NECTIN3: variants seen among roughly 807,000 people sequenced by gnomAD.
NECTIN3 encodes the protein nectin-3.
In NECTIN3, 8 loss-of-function variants were observed where a neutral mutation model predicts 49.4. The ratio of observed to expected loss-of-function variants is 0.16; its 90% CI spans 0.10 to 0.29. The LOEUF (loss-of-function observed/expected upper bound fraction) is 0.29. Ranked by LOEUF, NECTIN3 falls within the 10% of genes least tolerant of loss-of-function variation. NECTIN3 has a pLI of 1.00. For synonymous variants in NECTIN3, 277 were observed against 241.1 expected, an observed-to-expected ratio of 1.15 and a Z score of -1.38; for missense variants, 581 against 654.6, an observed-to-expected ratio of 0.89 and a Z score of 1.23.
intron 7 of NECTIN3, among the ~76,000 whole-genome samples, chr3:111,175,402 C>A (rs1376318881): frequency 1.3e-5 from 2 of 151,746 alleles, no homozygotes; most frequent in South Asian, 4.2e-4. Flanking sequence ...CTGTTTGTAT[C>A]AGTACCATGG....
chr3:111,162,577 T>C (rs1048569321), intron 7 of NECTIN3, among the ~76,000 whole-genome samples: 1 of 152,206 alleles, frequency 6.6e-6, no homozygotes, highest in African/African-American at 2.4e-5. Flanking sequence ...GGCAGTCCTT[T>C]ATAGCAGTGT....
At position 111,072,017 on chromosome 3, in the gene NECTIN3, G is replaced by T. The variant is rs1278877611; in HGVS notation, c.-1G>T. ...CGAGCGGGCCGGGGGGAGGGTGGGGGATGGCGCGGACCCTGCGGCCGTCCC... is the reference window on the plus strand; with the variant it reads ...CGAGCGGGCCGGGGGGAGGGTGGGGTATGGCGCGGACCCTGCGGCCGTCCC... On this transcript the variant is annotated 5_prime_UTR_variant, in exon 1 of 6. Transcript: ENST00000485303. 20 of 1,507,366 alleles carry T rather than the reference G, an allele frequency of 1.3e-5. No individual in the cohort carries two copies. The highest frequency in any genetic ancestry group is 1.8e-5 in the Non-Finnish European group (20 of 1,127,224). 93.4% of individuals were successfully genotyped at this position (1,507,366 alleles called of 1,614,324 possible). A position where few individuals can be genotyped will look rare whatever the true frequency, so the allele number is the denominator to read the frequency against.
Position 111,072,112 on chromosome 3 carries a change from A to C in NECTIN3, c.95A>C (p.Gln32Pro). The C allele has an allele frequency of 6.5e-7, 1 of 1,549,490 alleles. No homozygotes were observed. The change falls in exon 1 of 6, where the codon CAG (glutamine) becomes CCG (proline). Residue 32 changes from glutamine to proline, a missense_variant. This residue lies in a region of NECTIN3 where 109 missense variants were observed against 69.1 expected (regional missense o/e 1.58). Transcript: ENST00000485303. ...ASLLGAGLLLQPPTPPPLLLL... is the reference protein window; with the variant it reads ...ASLLGAGLLLPPPTPPPLLLL... ...CTCCTCGGAGCCGGGCTCCTGCTGC[A>C]GCCCCCGACGCCACCTCCGCTGCTG...
chr3:111,101,941 G>A (rs1007303277), intron 1 of NECTIN3, among the ~76,000 whole-genome samples: 2 of 151,988 alleles, frequency 1.3e-5, no homozygotes, highest in African/African-American at 4.8e-5. Context: ...GCATGGAATG[G>A]TCTTCTCAGC....
At chr3:111,079,082 T>C (rs1055629552) in intron 1 of NECTIN3, among the ~76,000 whole-genome samples, 4 of 152,130 alleles carry the variant, frequency 2.6e-5, no homozygotes, top group Admixed American at 6.5e-5. Context: ...TGCTTGACTC[T>C]TCTGTTGCTT....
At chr3:111,131,342 CT>C (rs1326990973) in intron 5 of NECTIN3, among the ~76,000 whole-genome samples, 2 of 151,894 alleles carry the variant, frequency 1.3e-5, no homozygotes, top group African/African-American at 4.8e-5. Context: ...ATGAGGAATA[CT>C]TTTGGGAAGG....
intron 2 of NECTIN3, among the ~76,000 whole-genome samples, chr3:111,113,472 G>A (rs1329921678): frequency 6.6e-6 from 1 of 152,126 alleles, no homozygotes; most frequent in Non-Finnish European, 1.5e-5. Context: ...TAATGTCTCT[G>A]AAGTATAGGA....
At chr3:111,087,062 A>C (rs2031974716) in intron 1 of NECTIN3, among the ~76,000 whole-genome samples, 1 of 152,166 alleles carries the variant, frequency 6.6e-6, no homozygotes, top group Non-Finnish European at 1.5e-5. Flanking sequence ...TGTAAAATGC[A>C]ATCCATTTTG....
intron 7 of NECTIN3, among the ~76,000 whole-genome samples, chr3:111,157,465 G>GT (rs1224774619): frequency 1.3e-5 from 2 of 152,002 alleles, no homozygotes; most frequent in South Asian, 2.1e-4. Context: ...TAGTTGGTCT[G>GT]TTTTTTTCCA....
At chr3:111,190,174 C>A (rs922444797), upstream of NECTIN3, among the ~76,000 whole-genome samples, 8 of 152,208 alleles carry the variant, frequency 5.3e-5, no homozygotes, top group African/African-American at 1.9e-4. Context: ...GTGTGATTGG[C>A]CATACATCCG....
intron 1 of NECTIN3, among the ~76,000 whole-genome samples, chr3:111,098,463 A>G (rs1222446400): frequency 1.3e-5 from 2 of 152,134 alleles, no homozygotes; most frequent in East Asian, 3.9e-4. Context: ...TTTGGTGGCT[A>G]CAGGCATTCC....
At chr3:111,174,721 G>GT (rs2035493719) in intron 7 of NECTIN3, among the ~76,000 whole-genome samples, 1 of 128,016 alleles carries the variant, frequency 7.8e-6, no homozygotes, top group Non-Finnish European at 1.6e-5. Context: ...AACCACTGAG[G>GT]TTTGGGGGGT....
At chr3:111,137,769 CTT>C (rs3081495), downstream of NECTIN3, among the ~76,000 whole-genome samples, 23 of 100,008 alleles carry the variant, frequency 2.3e-4, no homozygotes, top group Admixed American at 5.0e-4. Context: ...AAATTTTTTC[CTT>C]TTTTTTTTTT....
intron 1 of NECTIN3, chr3:111,074,184 C>A: frequency 2.2e-6 from 1 of 453,388 alleles, no homozygotes; most frequent in South Asian, 1.6e-5. Flanking sequence ...GGAATTAAGT[C>A]TTTGAATAGG....
intron 7 of NECTIN3, among the ~76,000 whole-genome samples, chr3:111,185,216 C>CT (rs954878153): frequency 2.6e-5 from 4 of 152,176 alleles, no homozygotes; most frequent in African/African-American, 9.7e-5. Context: ...ATGCCGAACT[C>CT]TGTCTCCCCA....
chr3:111,082,805 G>A (rs1465926534), intron 1 of NECTIN3, among the ~76,000 whole-genome samples: 8 of 152,260 alleles, frequency 5.3e-5, no homozygotes, highest in South Asian at 2.1e-4. Context: ...TCACCATAAC[G>A]TAGAATCAGT....
rs542134138 is a variant in NECTIN3 at position 111,072,171 on chromosome 3, C to T, written c.154C>T (p.Leu52Phe). The stretch of plus-strand genomic sequence containing the variant: ...CTTCCCGCTGCTGCTCTTCTCCAGG[C>T]TCTGTGGTAGGTGAACCTCGGCGGC... Reference protein sequence around the residue: ...LLFPLLLFSRLCGALAGPIIV... With the variant: ...LLFPLLLFSRFCGALAGPIIV... The change falls in exon 1 of 6, where the codon CTC (leucine) becomes TTC (phenylalanine). Residue 52 changes from leucine to phenylalanine, a missense_variant. By Grantham distance (22) the Leu-to-Phe change is conservative. Around this residue, in one of 3 missense-constraint regions of NECTIN3, gnomAD observed 109 missense variants for 69.1 expected, o/e 1.58. Coordinates refer to ENST00000485303, the MANE Select transcript of NECTIN3 (RefSeq NM_015480.3). 3 of 1,555,336 alleles carry T rather than the reference C, an allele frequency of 1.9e-6. No homozygotes were observed. The highest frequency in any genetic ancestry group is 1.9e-5 in the Admixed American group (1 of 52,310).
chr3:111,164,697 C>G (rs916825094), intron 7 of NECTIN3, among the ~76,000 whole-genome samples: 12 of 152,182 alleles, frequency 7.9e-5, no homozygotes, highest in Non-Finnish European at 1.6e-4. Flanking sequence ...TGTTCTTCCT[C>G]TCTATAACTA....
downstream of NECTIN3, among the ~76,000 whole-genome samples, chr3:111,142,262 T>A (rs2034765636): frequency 6.6e-6 from 1 of 151,892 alleles, no homozygotes; most frequent in African/African-American, 2.4e-5. Context: ...AGCATAATCA[T>A]TTGACCTACA....
Sources: gnomAD v4.1 joint callset for allele counts (sites outside exome capture counted in the v4.1 genomes callset) on GRCh38, gnomAD v4.1.1 for gene constraint, gnomAD v4.1.1 regional missense constraint, MANE v1.5 for transcripts, NCBI Gene and HGNC (gene_info 2026-07-23, HGNC 2026-07-21) for gene names.